LINGO2: variants seen among roughly 807,000 people sequenced by gnomAD.
LINGO2 encodes leucine rich repeat and Ig domain containing 2.
Under a neutral mutation model 30.6 loss-of-function variants are expected in LINGO2, and 14 were observed. The observed-to-expected ratio is 0.46, with a 90% CI of 0.30 to 0.72. The LOEUF is 0.72. Among genes scored for constraint, LINGO2 ranks in the 30% least tolerant of loss-of-function variants. LINGO2 has a pLI of 0.07. For missense variants in LINGO2, 729 were observed against 751.7 expected, an observed-to-expected ratio of 0.97 and a Z score of 0.35; for synonymous variants, 317 against 288.5, an observed-to-expected ratio of 1.10 and a Z score of -1.00.
chr9:29,177,905 T>G, the LINGO2 span, among the ~76,000 whole-genome samples: 1 of 152,058 alleles, frequency 6.6e-6, no homozygotes, highest in Non-Finnish European at 1.5e-5. Context: ...CACACCTTCA[T>G]AATCATATCC....
intron 4 of LINGO2, among the ~76,000 whole-genome samples, chr9:28,119,144 A>T (rs1375186579): frequency 6.6e-6 from 1 of 152,202 alleles, no homozygotes; most frequent in African/African-American, 2.4e-5. Flanking sequence ...ATTCTAGCAA[A>T]ATCTGAGTCT....
At chr9:28,552,644 A>T (rs1007891846) in intron 1 of LINGO2, among the ~76,000 whole-genome samples, 84 of 140,556 alleles carry the variant, frequency 6.0e-4, no homozygotes, top group African/African-American at 2.1e-3. Flanking sequence ...ACTTTTTATG[A>T]TTTTTTTTTT....
chr9:28,856,819 G>A, the LINGO2 span, among the ~76,000 whole-genome samples: 1 of 152,000 alleles, frequency 6.6e-6, no homozygotes, highest in Non-Finnish European at 1.5e-5. Flanking sequence ...GGGTATTGCA[G>A]TAATCCAGGA....
At chr9:28,832,845 G>T in the LINGO2 span, among the ~76,000 whole-genome samples, 3 of 151,964 alleles carry the variant, frequency 2.0e-5, no homozygotes, top group Admixed American at 6.6e-5. Context: ...TATGCACAAA[G>T]GAATTATATT....
At chr9:29,175,864 A>C in the LINGO2 span, among the ~76,000 whole-genome samples, 1 of 152,258 alleles carries the variant, frequency 6.6e-6, no homozygotes, top group East Asian at 1.9e-4. Context: ...TAAATCTTTA[A>C]ATTCTTTTAT....
At chr9:29,183,530 G>A in the LINGO2 span, among the ~76,000 whole-genome samples, 1 of 152,158 alleles carries the variant, frequency 6.6e-6, no homozygotes, top group Non-Finnish European at 1.5e-5. Flanking sequence ...AGACTTTGGA[G>A]TCTCTATTAT....
intron 2 of LINGO2, among the ~76,000 whole-genome samples, chr9:28,415,206 A>G (rs1483036321): frequency 6.6e-6 from 1 of 152,124 alleles, no homozygotes; most frequent in African/African-American, 2.4e-5. Context: ...TTAGTTAAAA[A>G]AAGTTCACTC....
intron 4 of LINGO2, among the ~76,000 whole-genome samples, chr9:28,047,138 A>C (rs1177049719): frequency 6.6e-6 from 1 of 152,156 alleles, no homozygotes; most frequent in East Asian, 1.9e-4. Context: ...TGACTCCACT[A>C]TGAAGGCTAG....
chr9:28,845,738 T>A, the LINGO2 span, among the ~76,000 whole-genome samples: 3,516 of 151,772 alleles, frequency 0.023, 230 homozygotes, highest in African/African-American at 0.08. Context: ...TGAGAAATAA[T>A]AAATAGATAA....
At chr9:28,667,193 A>G (rs1391112208) in intron 1 of LINGO2, among the ~76,000 whole-genome samples, 1 of 152,038 alleles carries the variant, frequency 6.6e-6, no homozygotes, top group Non-Finnish European at 1.5e-5. Flanking sequence ...GTAACAGCCC[A>G]CTCTGTTTAT....
At chr9:28,462,446 T>G (rs1042509519) in intron 2 of LINGO2, among the ~76,000 whole-genome samples, 25 of 148,712 alleles carry the variant, frequency 1.7e-4, no homozygotes, top group African/African-American at 5.9e-4. Context: ...AAATTATACC[T>G]GAGTTTGCAA....
At chr9:28,188,017 G>A (rs1014525941) in intron 4 of LINGO2, among the ~76,000 whole-genome samples, 19 of 152,144 alleles carry the variant, frequency 1.2e-4, no homozygotes, top group African/African-American at 4.3e-4. Flanking sequence ...ATCCAAGCTT[G>A]TAATTAGTTG....
chr9:28,715,525 G>A, the LINGO2 span, among the ~76,000 whole-genome samples: 1 of 152,078 alleles, frequency 6.6e-6, no homozygotes, highest in Non-Finnish European at 1.5e-5. Flanking sequence ...AGGGTCCAGT[G>A]GAAGGATGAA....
chr9:28,906,641 A>G, the LINGO2 span, among the ~76,000 whole-genome samples: 5 of 151,894 alleles, frequency 3.3e-5, no homozygotes, highest in Admixed American at 3.3e-4. Context: ...GGATTATATA[A>G]CATCTACCAG....
chr9:28,117,779 T>C (rs1425609972), intron 4 of LINGO2, among the ~76,000 whole-genome samples: 2 of 149,554 alleles, frequency 1.3e-5, no homozygotes, highest in African/African-American at 2.5e-5. Flanking sequence ...TCGCGGACGG[T>C]GCGCACACAC....
At chr9:28,345,466 C>G (rs1421237460) in intron 3 of LINGO2, among the ~76,000 whole-genome samples, 2 of 151,948 alleles carry the variant, frequency 1.3e-5, no homozygotes, top group Non-Finnish European at 2.9e-5. Context: ...TATAGGGTAA[C>G]CTATTGCAGC....
chr9:29,199,722 T>C, the LINGO2 span, among the ~76,000 whole-genome samples: 1 of 152,292 alleles, frequency 6.6e-6, no homozygotes, highest in African/African-American at 2.4e-5. Context: ...TTAGCAGTAA[T>C]TGCTGAACAT....
At chr9:28,573,097 G>T (rs1023225025) in intron 1 of LINGO2, among the ~76,000 whole-genome samples, 2 of 152,064 alleles carry the variant, frequency 1.3e-5, no homozygotes, top group African/African-American at 4.8e-5. Flanking sequence ...TCTATTTCTA[G>T]GAACTAACTG....
At chr9:28,714,178 T>TACATAC in the LINGO2 span, among the ~76,000 whole-genome samples, 1 of 90,428 alleles carries the variant, frequency 1.1e-5, no homozygotes, top group African/African-American at 6.4e-5. Context: ...TATATATATA[T>TACATAC]ATATATATAT....
Sources: gnomAD v4.1 joint callset for allele counts (sites outside exome capture counted in the v4.1 genomes callset) on GRCh38, gnomAD v4.1.1 for gene constraint, MANE v1.5 for transcripts, NCBI Gene and HGNC (gene_info 2026-07-23, HGNC 2026-07-21) for gene names.